Variants in ROBO2 observed in about 807,000 individuals in gnomAD.
ROBO2 encodes roundabout guidance receptor 2.
A neutral mutation model predicts 160.8 loss-of-function variants in ROBO2; 53 were observed. The observed-to-expected ratio is 0.33, with a 90% CI of 0.26 to 0.41. ROBO2 has a LOEUF of 0.41. Among genes scored for constraint, ROBO2 ranks in the 10% least tolerant of loss-of-function variants. The pLI is 1.00. For missense variants in ROBO2, 1,577 were observed against 1,722.4 expected (o/e 0.92, Z 1.49); for synonymous variants, 664 against 611.7 (o/e 1.09, Z -1.26).
intron 2 of ROBO2, among the ~76,000 whole-genome samples, chr3:77,410,609 T>TTCCTCCTCCTCCTCC (rs2076664426): frequency 3.5e-5 from 3 of 86,606 alleles, no homozygotes; most frequent in Admixed American, 1.2e-4. Flanking sequence ...CCTCCTCCTC[T>TTCCTCCTCCTCCTCC]TCCTCCTTCT....
intron 2 of ROBO2, among the ~76,000 whole-genome samples, chr3:76,311,717 G>C (rs577709660): frequency 2.0e-5 from 3 of 152,126 alleles, no homozygotes; most frequent in Non-Finnish European, 4.4e-5. Context: ...GTTTTCCTTC[G>C]GAAGCCGCAT....
intron 2 of ROBO2, among the ~76,000 whole-genome samples, chr3:77,464,705 G>C (rs1042628931): frequency 1.3e-5 from 2 of 151,954 alleles, no homozygotes; most frequent in Non-Finnish European, 2.9e-5. Context: ...ATTTCAGAAT[G>C]AATGAATGCA....
At chr3:76,724,860 G>A (rs1351698354) in intron 2 of ROBO2, among the ~76,000 whole-genome samples, 1 of 152,106 alleles carries the variant, frequency 6.6e-6, no homozygotes, top group Non-Finnish European at 1.5e-5. Flanking sequence ...GTGTCCTTAC[G>A]AGAGAGGCAG....
At chr3:77,384,058 A>G (rs1453178380) in intron 2 of ROBO2, among the ~76,000 whole-genome samples, 1 of 152,168 alleles carries the variant, frequency 6.6e-6, no homozygotes, top group East Asian at 1.9e-4. Flanking sequence ...CAGATGTAGT[A>G]TGGTGTAAAA....
At chr3:76,722,641 A>G (rs2093483966) in intron 2 of ROBO2, among the ~76,000 whole-genome samples, 1 of 152,182 alleles carries the variant, frequency 6.6e-6, no homozygotes, top group African/African-American at 2.4e-5. Context: ...CCCCAGGGTC[A>G]ATCACTAATC....
intron 2 of ROBO2, among the ~76,000 whole-genome samples, chr3:77,023,489 A>T (rs934460241): frequency 1.1e-4 from 16 of 152,246 alleles, no homozygotes; most frequent in Non-Finnish European, 2.4e-4. Flanking sequence ...ATAAAATCAT[A>T]AAAGTCAAGC....
chr3:76,009,657 A>T (rs1288476792), intron 2 of ROBO2, among the ~76,000 whole-genome samples: 1 of 152,218 alleles, frequency 6.6e-6, no homozygotes, highest in Non-Finnish European at 1.5e-5. Context: ...TCTAATTCCT[A>T]TTTATGGTTA....
chr3:77,013,297 G>A (rs1162937846), intron 2 of ROBO2, among the ~76,000 whole-genome samples: 3 of 152,078 alleles, frequency 2.0e-5, no homozygotes, highest in Non-Finnish European at 4.4e-5. Flanking sequence ...GAGATTGGCT[G>A]TTTAGGTAAT....
intron 2 of ROBO2, among the ~76,000 whole-genome samples, chr3:77,186,914 A>G (rs2081335777): frequency 6.6e-6 from 1 of 152,034 alleles, no homozygotes; most frequent in Non-Finnish European, 1.5e-5. Flanking sequence ...GTAATGTAAT[A>G]TGAACCATGT....
chr3:76,500,988 T>C (rs1577680218), intron 2 of ROBO2, among the ~76,000 whole-genome samples: 1 of 152,082 alleles, frequency 6.6e-6, no homozygotes, highest in Admixed American at 6.6e-5. Flanking sequence ...GGCTTGACAC[T>C]GTAGGGAGGG....
At chr3:76,906,312 A>G (rs1235778074) in intron 2 of ROBO2, among the ~76,000 whole-genome samples, 1 of 151,924 alleles carries the variant, frequency 6.6e-6, no homozygotes, top group Admixed American at 6.6e-5. Flanking sequence ...ACATATATAT[A>G]AATTCAATGC....
intron 2 of ROBO2, among the ~76,000 whole-genome samples, chr3:77,322,676 T>G (rs1357672190): frequency 6.7e-6 from 1 of 149,042 alleles, no homozygotes; most frequent in African/African-American, 2.5e-5. Flanking sequence ...ATTTTCATTC[T>G]TGAATATTTT....
chr3:76,478,116 T>C (rs942168958), intron 2 of ROBO2, among the ~76,000 whole-genome samples: 4 of 150,590 alleles, frequency 2.7e-5, no homozygotes, highest in Non-Finnish European at 5.9e-5. Flanking sequence ...CATGCTGGTG[T>C]GCTGCACCCA....
At chr3:77,303,391 A>G (rs767282610) in intron 2 of ROBO2, among the ~76,000 whole-genome samples, 1 of 152,132 alleles carries the variant, frequency 6.6e-6, no homozygotes, top group Non-Finnish European at 1.5e-5. Flanking sequence ...TGTAAATTTG[A>G]TTTTGGGGCT....
chr3:77,260,089 T>C (rs1032950199), intron 2 of ROBO2, among the ~76,000 whole-genome samples: 2 of 152,160 alleles, frequency 1.3e-5, no homozygotes, highest in African/African-American at 2.4e-5. Context: ...CTTATTCCTT[T>C]TAATGTATCT....
At chr3:77,445,852 A>G (rs1022612355) in intron 2 of ROBO2, among the ~76,000 whole-genome samples, 5 of 150,244 alleles carry the variant, frequency 3.3e-5, no homozygotes, top group African/African-American at 1.2e-4. Flanking sequence ...TGTAATATAA[A>G]CCACAGGAAT....
chr3:76,862,519 A>C (rs2070897085), intron 2 of ROBO2, among the ~76,000 whole-genome samples: 1 of 152,120 alleles, frequency 6.6e-6, no homozygotes, highest in Non-Finnish European at 1.5e-5. Context: ...TCTTGGAGAA[A>C]TAGGACTGGA....
intron 2 of ROBO2, among the ~76,000 whole-genome samples, chr3:76,135,013 A>G (rs1200760234): frequency 1.3e-5 from 2 of 152,096 alleles, no homozygotes; most frequent in African/African-American, 4.8e-5. Flanking sequence ...ACTCACAGTC[A>G]TTTAGGACCT....
intron 2 of ROBO2, among the ~76,000 whole-genome samples, chr3:77,103,527 A>G (rs2072344991): frequency 6.6e-6 from 1 of 151,886 alleles, no homozygotes; most frequent in African/African-American, 2.4e-5. Context: ...TTGGCTTTTG[A>G]TGCAGTTACA....
Sources: allele counts gnomAD v4.1 joint callset (sites outside exome capture counted in the v4.1 genomes callset), GRCh38; gene constraint gnomAD v4.1.1; transcripts MANE v1.5; gene names NCBI Gene and HGNC (gene_info 2026-07-23, HGNC 2026-07-21).